The following MACROD2 variants were observed in gnomAD, a reference collection of about 807,000 sequenced individuals.
The protein encoded by MACROD2 is mono-ADP ribosylhydrolase 2.
A neutral mutation model predicts 70.4 loss-of-function variants in MACROD2; 36 were observed. That is an observed-to-expected ratio of 0.51 (90% confidence interval 0.39 to 0.68). MACROD2 has a LOEUF of 0.68. MACROD2 is among the 30% of genes least tolerant of loss of function. The probability of loss-of-function intolerance (pLI) is 0.00; values close to 1 mark genes in which losing one functional copy is unlikely to be tolerated. For synonymous variants in MACROD2, 172 were observed against 178.8 expected (o/e 0.96, Z 0.30); for missense variants, 496 against 538.4 (o/e 0.92, Z 0.78).
intron 4 of MACROD2, among the ~76,000 whole-genome samples, chr20:14,521,497 G>A (rs888950356): frequency 1.3e-5 from 2 of 152,044 alleles, no homozygotes; most frequent in African/African-American, 2.4e-5. Context: ...TGTCTCCTAC[G>A]GAAGACTGTA....
At chr20:15,169,676 A>T (rs1283762942) in intron 5 of MACROD2, among the ~76,000 whole-genome samples, 1 of 152,202 alleles carries the variant, frequency 6.6e-6, no homozygotes, top group African/African-American at 2.4e-5. Flanking sequence ...TTTTAGTCAT[A>T]TGTCCTGTTC....
chr20:14,154,457 G>A (rs1406044886), intron 3 of MACROD2, among the ~76,000 whole-genome samples: 1 of 150,284 alleles, frequency 6.7e-6, no homozygotes, highest in East Asian at 1.9e-4. Context: ...CGCAATCTCG[G>A]ATCATTGCAA....
intron 4 of MACROD2, among the ~76,000 whole-genome samples, chr20:14,681,113 T>G (rs1467675781): frequency 6.6e-6 from 1 of 152,096 alleles, no homozygotes; most frequent in Non-Finnish European, 1.5e-5. Flanking sequence ...TTACCAACAT[T>G]AAAAAGGCTG....
intron 8 of MACROD2, among the ~76,000 whole-genome samples, chr20:15,597,046 C>G (rs995888713): frequency 6.6e-6 from 1 of 152,156 alleles, no homozygotes; most frequent in Non-Finnish European, 1.5e-5. Context: ...AAACCCCTTC[C>G]TCATACTGTT....
intron 9 of MACROD2, among the ~76,000 whole-genome samples, chr20:15,869,493 C>A (rs546703469): frequency 5.3e-4 from 80 of 151,564 alleles, no homozygotes; most frequent in African/African-American, 1.8e-3. Context: ...GCTATTTGAC[C>A]TATTAATATT....
At chr20:15,173,181 C>T (rs1309846947) in intron 5 of MACROD2, among the ~76,000 whole-genome samples, 3 of 150,988 alleles carry the variant, frequency 2.0e-5, no homozygotes, top group Admixed American at 1.3e-4. Flanking sequence ...AAGAAATTAT[C>T]CATTACTATT....
intron 4 of MACROD2, among the ~76,000 whole-genome samples, chr20:14,505,443 A>G (rs760112915): frequency 6.6e-6 from 1 of 152,216 alleles, no homozygotes; most frequent in Non-Finnish European, 1.5e-5. Flanking sequence ...CCAAACGCCA[A>G]TGGTTAATTC....
At chr20:14,106,406 T>C (rs947796097) in intron 3 of MACROD2, among the ~76,000 whole-genome samples, 1 of 152,160 alleles carries the variant, frequency 6.6e-6, no homozygotes, top group African/African-American at 2.4e-5. Context: ...GGGTGGGACC[T>C]GAGGAGCAAC....
intron 6 of MACROD2, among the ~76,000 whole-genome samples, chr20:15,240,224 A>G (rs180839254): frequency 9.2e-5 from 14 of 152,132 alleles, no homozygotes; most frequent in Non-Finnish European, 2.1e-4. Flanking sequence ...ATCATATAGC[A>G]TGTCTTAGAG....
chr20:14,614,531 G>A (rs542459014), intron 4 of MACROD2, among the ~76,000 whole-genome samples: 1 of 152,218 alleles, frequency 6.6e-6, no homozygotes, highest in South Asian at 2.1e-4. Flanking sequence ...TAATTATCCT[G>A]CTGACTAAAT....
rs868167622 is a variant in MACROD2, at chr20:15,709,963, A to G, written c.646-152782A>G. Among the ~76,000 whole-genome samples the G allele has an allele frequency of 8.5e-5, 13 of 152,252 alleles. 1 individual carries two copies. Among genetic ancestry groups the G allele is most frequent in the South Asian group, 6.2e-4 (3 of 4,818 alleles). ...CCCTACTACCTAATTCTCAGCCTCT[A>G]GTAACCACTGTTCTACTCTCTACTT... On this transcript the variant is annotated intron_variant, in intron 8 of 17. Transcript: ENST00000684519.
intron 3 of MACROD2, among the ~76,000 whole-genome samples, chr20:14,191,232 C>A (rs1379459264): frequency 6.6e-6 from 1 of 152,128 alleles, no homozygotes; most frequent in African/African-American, 2.4e-5. Flanking sequence ...AGAAGCTCTA[C>A]TCATCTTATA....
chr20:14,215,676 G>C (rs2081615795), intron 3 of MACROD2, among the ~76,000 whole-genome samples: 1 of 152,024 alleles, frequency 6.6e-6, no homozygotes, highest in South Asian at 2.1e-4. Context: ...AGCATCTACT[G>C]TTTTGTGATT....
chr20:15,126,652 CTTCTGATT>C (rs1323268267), intron 5 of MACROD2, among the ~76,000 whole-genome samples: 1 of 151,890 alleles, frequency 6.6e-6, no homozygotes, highest in Non-Finnish European at 1.5e-5. Context: ...CATTAAGAGT[CTTCTGATT>C]ACAAGAGAAG....
intron 6 of MACROD2, among the ~76,000 whole-genome samples, chr20:15,302,123 A>T (rs982516804): frequency 6.6e-6 from 1 of 152,108 alleles, no homozygotes; most frequent in Non-Finnish European, 1.5e-5. Flanking sequence ...GGCCCCTCCC[A>T]AAGGGCTCAA....
chr20:14,508,208 T>C (rs1446335093), intron 4 of MACROD2, among the ~76,000 whole-genome samples: 1 of 152,212 alleles, frequency 6.6e-6, no homozygotes, highest in East Asian at 1.9e-4. Context: ...GGAAGAGTTA[T>C]AAATAGCCTG....
At chr20:15,882,624 A>G (rs2064769960) in intron 9 of MACROD2, among the ~76,000 whole-genome samples, 1 of 151,964 alleles carries the variant, frequency 6.6e-6, no homozygotes, top group Non-Finnish European at 1.5e-5. Context: ...TAGTGAGGGG[A>G]AGGTCCCTCA....
chr20:15,785,736 A>G (rs1389854124), intron 8 of MACROD2, among the ~76,000 whole-genome samples: 7 of 152,116 alleles, frequency 4.6e-5, no homozygotes, highest in Admixed American at 3.3e-4. Context: ...GCCACTGTGC[A>G]TGTTTCATCA....
chr20:14,962,453 A>G (rs190068414), intron 5 of MACROD2, among the ~76,000 whole-genome samples: 75 of 143,704 alleles, frequency 5.2e-4, no homozygotes, highest in Admixed American at 6.9e-4. Flanking sequence ...TAGTATTTAT[A>G]TATATATATA....
Sources: gnomAD v4.1 joint callset for allele counts (sites outside exome capture counted in the v4.1 genomes callset) on GRCh38, gnomAD v4.1.1 for gene constraint, MANE v1.5 for transcripts, NCBI Gene and HGNC (gene_info 2026-07-23, HGNC 2026-07-21) for gene names.